PRR12: variants seen among roughly 807,000 people sequenced by gnomAD.
PRR12 encodes the protein proline rich 12, also known as proline-rich protein 12.
A neutral mutation model predicts 138.0 loss-of-function variants in PRR12; 12 were observed. The ratio of observed to expected loss-of-function variants is 0.09; its 90% CI spans 0.06 to 0.14. The LOEUF (loss-of-function observed/expected upper bound fraction) is 0.14. Among genes scored for constraint, PRR12 ranks in the 10% least tolerant of loss-of-function variants. PRR12 has a pLI of 1.00. For missense variants in PRR12, 2,692 were observed against 2,861.3 expected (o/e 0.94, Z 1.35); for synonymous variants, 1,567 against 1,291.7 (o/e 1.21, Z -4.57).
chr19:49,614,582 A>C lies in PRR12; in HGVS notation c.4823A>C (p.Lys1608Thr). 6.4e-7 allele frequency: 1 copy of C among 1,562,774 alleles called. No individual in the cohort carries two copies. Among genetic ancestry groups the C allele is most frequent in the Non-Finnish European group, 8.7e-7 (1 of 1,153,686 alleles). Residue 1608 changes from lysine to threonine, a missense_variant, in exon 7 of 14, where the codon AAG (lysine) becomes ACG (threonine). Lys to Thr is a moderately conservative substitution (Grantham distance 78). Around this residue, in one of 11 missense-constraint regions of PRR12, gnomAD observed 92 missense variants for 174.1 expected, o/e 0.53. Coordinates refer to ENST00000418929, the MANE Select transcript of PRR12 (RefSeq NM_020719.3). The surrounding 1 kb of genome is among the most constrained non-coding windows in gnomAD (Gnocchi z 5.0). The part of the protein sequence containing the change: ...REPPPIWRVQ[K>T]ALLQKFTPEI... ...CCCCCACCCATCTGGCGAGTCCAGA[A>C]GGCCCTTCTGCAGAAATTCACTCCG...
intron 6 of PRR12, 145 bp downstream of exon 6, chr19:49,602,063 A>T (rs1383297720): frequency 2.0e-6 from 2 of 1,014,130 alleles, no homozygotes; most frequent in East Asian, 2.6e-5. Context: ...TATGGGGCTG[A>T]TAGAGGTGTC....
Position 49,614,312 on chromosome 19 carries a change from A to T in PRR12, c.4774-221A>T, listed in dbSNP as rs555416070. On this transcript the variant is annotated intron_variant, in intron 6 of 13. Transcript: ENST00000418929. The surrounding 1 kb of genome is among the most constrained non-coding windows in gnomAD (Gnocchi z 5.0). ...ACTCAAACTCTACAGCCTGAGAACGAGCAGCCCAATCCAGGGTACTGGGTG... is the reference window on the plus strand; with the variant it reads ...ACTCAAACTCTACAGCCTGAGAACGTGCAGCCCAATCCAGGGTACTGGGTG... Among the ~76,000 whole-genome samples the T allele has an allele frequency of 7.2e-5, 11 of 152,312 alleles. 1 individual carries two copies. The South Asian group carries it at 2.3e-3, about 32-fold the overall frequency.
intron 6 of PRR12, among the ~76,000 whole-genome samples, chr19:49,609,812 G>A (rs1399221310): frequency 1.3e-5 from 2 of 152,066 alleles, no homozygotes; most frequent in Non-Finnish European, 2.9e-5. Flanking sequence ...GTGCAGGGGT[G>A]AGTTCCATGG....
chr19:49,611,050 C>G (rs1374757509), intron 6 of PRR12, among the ~76,000 whole-genome samples: 1 of 151,690 alleles, frequency 6.6e-6, no homozygotes, highest in East Asian at 2.0e-4. Flanking sequence ...CCATGTTGGC[C>G]AAGCTGGTCT....
At position 49,624,947 on chromosome 19, in the gene PRR12, G is replaced by A. The variant is rs768788470; in HGVS notation, c.5825G>A (p.Arg1942His). The A allele has an allele frequency of 8.8e-6, 14 of 1,596,772 alleles. No homozygotes were observed. Among genetic ancestry groups the A allele is most frequent in the African/African-American group, 4.0e-5 (3 of 74,552 alleles). Residue 1942 changes from arginine (R) to histidine (H), a missense_variant, in exon 12 of 14, where the codon CGC becomes CAC. Arg to His is a conservative substitution (Grantham distance 29). Transcript: ENST00000418929. ...CGGCCTGCTGGGGAACCCTACAACC[G>A]CAAGACGCTCAGCAAGCTCAAGAGG... ...RLRPAGEPYNRKTLSKLKRSV... is the reference protein window; with the variant it reads ...RLRPAGEPYNHKTLSKLKRSV...
intron 8 of PRR12, among the ~76,000 whole-genome samples, chr19:49,615,303 C>T (rs2080886038): frequency 6.7e-6 from 1 of 148,876 alleles, no homozygotes; most frequent in Non-Finnish European, 1.5e-5. Flanking sequence ...CAGAAGGAGA[C>T]AGAGACCCAG....
intron 11 of PRR12, 79 bp from the exon 12 acceptor site, chr19:49,624,765 A>G: frequency 6.5e-7 from 1 of 1,549,988 alleles, no homozygotes; most frequent in Non-Finnish European, 8.7e-7. Flanking sequence ...AAACTGAGGC[A>G]CAGATCTGAG....
chr19:49,615,903 TGCCCCC>T lies in PRR12; in HGVS notation c.5183_5188del (p.Ala1728_Pro1729del). The T allele has an allele frequency of 3.2e-6, 5 of 1,566,062 alleles. No individual in the cohort carries two copies. The highest frequency in any genetic ancestry group is 2.6e-6 in the Non-Finnish European group (3 of 1,155,668). On this transcript the variant is annotated inframe_deletion, in exon 9 of 14. Transcript: ENST00000418929. ...CTGAGACGGCCATGCCTGAGCCCCC[TGCCCCC>T]GAGAAGCCCTCCCTCCTGCGGCCTG... is the stretch of plus-strand genomic sequence containing the variant.
Position 49,596,451 on chromosome 19 carries a change from A to G in PRR12, c.2116A>G (p.Thr706Ala). Reference sequence around the variant, plus strand: ...GTACCACCTGCAGAGTGTCATCCGCACCAGTGCCAGCCTGGATGAGGGTGC... The same window carrying G: ...GTACCACCTGCAGAGTGTCATCCGCGCCAGTGCCAGCCTGGATGAGGGTGC... ...QRYHLQSVIR[T>A]SASLDEGATA... is the part of the protein sequence containing the mutation. The change falls in exon 4 of 14, where the codon ACC (threonine) becomes GCC (alanine). Residue 706 changes from threonine to alanine, a missense_variant. Coordinates refer to ENST00000418929, the MANE Select transcript of PRR12 (RefSeq NM_020719.3). The surrounding 1 kb of genome is among the most constrained non-coding windows in gnomAD (Gnocchi z 5.6). The G allele has an allele frequency of 1.2e-6, 2 of 1,611,020 alleles. No homozygotes were observed. Among genetic ancestry groups the G allele is most frequent in the Non-Finnish European group, 1.7e-6 (2 of 1,179,424 alleles).
At chr19:49,618,266 C>T (rs1221877254) in intron 9 of PRR12, among the ~76,000 whole-genome samples, 1 of 152,064 alleles carries the variant, frequency 6.6e-6, no homozygotes, top group Non-Finnish European at 1.5e-5. Context: ...ACAGACCTTC[C>T]CCAACACCCC....
intron 10 of PRR12, 113 bp downstream of exon 10, chr19:49,620,590 T>C: frequency 7.0e-7 from 1 of 1,432,742 alleles, no homozygotes. Flanking sequence ...GACTCCTGAG[T>C]CTGAGGGAAG....
chr19:49,615,937 G>A lies in PRR12; in HGVS notation c.5215G>A (p.Glu1739Lys). The change falls in exon 9 of 14, where the codon GAG (glutamate) becomes AAG (lysine). Residue 1739 changes from glutamate to lysine, a missense_variant. Around this residue, in one of 11 missense-constraint regions of PRR12, gnomAD observed 259 missense variants for 265.1 expected, o/e 0.98. Coordinates refer to ENST00000418929, the MANE Select transcript of PRR12 (RefSeq NM_020719.3). ...PEKPSLLRPV[E>K]KEKEKEKVTR... The stretch of plus-strand genomic sequence containing the variant: ...GAAGCCCTCCCTCCTGCGGCCTGTT[G>A]AGAAGGAAAAGGAGAAGGAGAAGGT... 1 of 1,555,028 alleles carries A rather than the reference G, an allele frequency of 6.4e-7. No homozygotes were observed. The highest frequency in any genetic ancestry group is 8.7e-7 in the Non-Finnish European group (1 of 1,148,970).
At chr19:49,591,789 CAG>C in intron 1 of PRR12, 49 bp downstream of exon 1, 2 of 1,225,994 alleles carry the variant, frequency 1.6e-6, no homozygotes, top group Non-Finnish European at 2.1e-6. Flanking sequence ...GGTGGGAGCC[CAG>C]CCGGGCCGGG....
intron 11 of PRR12, among the ~76,000 whole-genome samples, chr19:49,622,402 A>AT (rs2080927591): frequency 6.6e-6 from 1 of 151,942 alleles, no homozygotes; most frequent in South Asian, 2.1e-4. Flanking sequence ...CTCTCTCAAA[A>AT]TAAAAAAAAG....
At chr19:49,609,456 C>T (rs2080854509) in intron 6 of PRR12, among the ~76,000 whole-genome samples, 1 of 151,918 alleles carries the variant, frequency 6.6e-6, no homozygotes, top group Non-Finnish European at 1.5e-5. Flanking sequence ...CAAAAATTAG[C>T]CGGACATGGT....
intron 6 of PRR12, among the ~76,000 whole-genome samples, chr19:49,608,107 C>G (rs757740817): frequency 3.9e-5 from 6 of 152,082 alleles, no homozygotes; most frequent in Non-Finnish European, 8.8e-5. Context: ...GTTTTACATT[C>G]TTTTTTGCAT....
chr19:49,593,000 AG>A (rs1311450443), intron 1 of PRR12, among the ~76,000 whole-genome samples: 16 of 151,322 alleles, frequency 1.1e-4, no homozygotes, highest in African/African-American at 3.6e-4. Flanking sequence ...TCGACGGGGG[AG>A]GGCTCTCATT....
rs1296646625 is a variant in PRR12, at chr19:49,595,468, G to A, written c.1133G>A (p.Gly378Glu). ...GGCGGTGGGGCTGGGGGTGGTGGTG[G>A]AGGTTACCGCCCCATCATTCAGTCG... ...AGGGGAGGGG[G>E]GYRPIIQSPG... The change falls in exon 4 of 14, where the codon GGA becomes GAA. Residue 378 changes from glycine to glutamate, a missense_variant. By Grantham distance (98) the Gly-to-Glu change is moderately conservative. Transcript: ENST00000418929. 1.3e-6 allele frequency: 2 copies of A among 1,550,342 alleles called. No individual in the cohort carries two copies. Among genetic ancestry groups the A allele is most frequent in the Non-Finnish European group, 1.7e-6 (2 of 1,147,836 alleles).
At chr19:49,617,657 A>G (rs1325867993) in intron 9 of PRR12, among the ~76,000 whole-genome samples, 1 of 152,198 alleles carries the variant, frequency 6.6e-6, no homozygotes, top group Non-Finnish European at 1.5e-5. Flanking sequence ...AATAAATAAA[A>G]GATGAAGAAA....
Sources: allele counts gnomAD v4.1 joint callset (sites outside exome capture counted in the v4.1 genomes callset), GRCh38; gene constraint gnomAD v4.1.1; regional missense constraint gnomAD v4.1.1; non-coding constraint Gnocchi (gnomAD v3.1); transcripts MANE v1.5; gene names NCBI Gene and HGNC (gene_info 2026-07-23, HGNC 2026-07-21).